The following LRP12 variants were observed in gnomAD, a reference collection of about 807,000 sequenced individuals.
LRP12 encodes LDL receptor related protein 12.
Under a neutral mutation model 66.0 loss-of-function variants are expected in LRP12, and 14 were observed. That is an observed-to-expected ratio of 0.21 (90% CI 0.14 to 0.33). LRP12 has a LOEUF of 0.33. LRP12 is among the 10% of genes least tolerant of loss of function. The pLI is 1.00. For synonymous variants in LRP12, 357 were observed against 359.1 expected, an observed-to-expected ratio of 0.99 and a Z score of 0.07; for missense variants, 889 against 1,053.4, an observed-to-expected ratio of 0.84 and a Z score of 2.16.
At chr8:104,566,718 A>C (rs1041981157) in intron 1 of LRP12, among the ~76,000 whole-genome samples, 1 of 152,184 alleles carries the variant, frequency 6.6e-6, no homozygotes, top group Non-Finnish European at 1.5e-5. Flanking sequence ...AGAGGCCATA[A>C]TCAAAAAGTA....
chr8:104,568,036 C>G (rs906006391), intron 1 of LRP12, among the ~76,000 whole-genome samples: 2 of 152,086 alleles, frequency 1.3e-5, no homozygotes, highest in East Asian at 1.9e-4. Context: ...TACTACAAAG[C>G]GACACTAATG....
chr8:104,558,349 G>A (rs1422216763), intron 1 of LRP12, among the ~76,000 whole-genome samples: 1 of 152,142 alleles, frequency 6.6e-6, no homozygotes, highest in Non-Finnish European at 1.5e-5. Context: ...CATGTATGAA[G>A]TGGGGAAAGC....
At chr8:104,524,884 T>A (rs1811206794) in intron 2 of LRP12, among the ~76,000 whole-genome samples, 1 of 152,164 alleles carries the variant, frequency 6.6e-6, no homozygotes, top group Admixed American at 6.5e-5. Flanking sequence ...TATCACAGAT[T>A]ACAGAGTAAT....
rs1424003217 is a variant in LRP12 at position 104,509,086 on chromosome 8, C to T, written c.137-12G>A. On this transcript the variant is annotated splice_polypyrimidine_tract_variant and intron_variant, in intron 2 of 6. Coordinates refer to ENST00000276654, the MANE Select transcript of LRP12 (RefSeq NM_013437.5). ...AGTCTCTCCACAAGCTGGAAGATAG[C>T]CAAAGCAATCTTTCCTTATTATTAC... 1.2e-6 allele frequency: 2 copies of T among 1,609,398 alleles called. No homozygotes were observed. Among genetic ancestry groups the T allele is most frequent in the East Asian group, 2.2e-5 (1 of 44,804 alleles).
At chr8:104,499,573 C>A in intron 3 of LRP12, 54 bp from the exon 4 acceptor site, 3 of 1,276,198 alleles carry the variant, frequency 2.4e-6, no homozygotes, top group Non-Finnish European at 3.3e-6. Flanking sequence ...AAAAAAAAAT[C>A]GTATTACAAA....
chr8:104,505,460 A>G (rs967149040), intron 3 of LRP12: 1 of 135,288 alleles, frequency 7.4e-6, no homozygotes, highest in Admixed American at 8.1e-5. Context: ...GCTGGAGCAC[A>G]GTGGCATGAT....
At chr8:104,530,733 A>G (rs1470938529) in intron 2 of LRP12, among the ~76,000 whole-genome samples, 1 of 152,206 alleles carries the variant, frequency 6.6e-6, no homozygotes, top group Non-Finnish European at 1.5e-5. Flanking sequence ...ATAAATTAAA[A>G]TGTTTGTAAA....
chr8:104,525,261 T>C (rs1811215679), intron 2 of LRP12, among the ~76,000 whole-genome samples: 1 of 152,066 alleles, frequency 6.6e-6, no homozygotes, highest in South Asian at 2.1e-4. Context: ...TAAATTAAAA[T>C]AAGTACAAAA....
chr8:104,576,575 C>T (rs942083696), intron 1 of LRP12, among the ~76,000 whole-genome samples: 2 of 152,106 alleles, frequency 1.3e-5, no homozygotes, highest in Non-Finnish European at 2.9e-5. Flanking sequence ...AATTCGTTAC[C>T]ACCAGACGTG....
chr8:104,587,123 C>A (rs1490721645), intron 1 of LRP12, among the ~76,000 whole-genome samples: 1 of 152,188 alleles, frequency 6.6e-6, no homozygotes, highest in Non-Finnish European at 1.5e-5. Context: ...AGTTCAAACA[C>A]TGATGACACA....
chr8:104,579,109 C>T (rs4734799), intron 1 of LRP12, among the ~76,000 whole-genome samples: 42,533 of 151,802 alleles, frequency 0.28, 6,725 homozygotes, highest in Non-Finnish European at 0.36. Flanking sequence ...ATAAATAAAG[C>T]GCATCTAAAT....
intron 1 of LRP12, among the ~76,000 whole-genome samples, chr8:104,580,358 TAAAAA>T (rs774764260): frequency 1.6e-4 from 15 of 92,190 alleles, no homozygotes; most frequent in African/African-American, 6.1e-4. Context: ...CTACTAAAAA[TAAAAA>T]AAAAAAAAAA....
Position 104,498,100 on chromosome 8 carries a change from G to A in LRP12, c.476-24C>T, listed in dbSNP as rs753916609. On this transcript the variant is annotated intron_variant, in intron 4 of 6. Transcript: ENST00000276654. ...CCCTGTGAAGATGTGAGTAGAAATA[G>A]ATGGAAAGAGAAGGAGAAAAATTAT... 6.5e-6 allele frequency: 10 copies of A among 1,529,898 alleles called. No individual in the cohort carries two copies. The East Asian group carries it at 1.8e-4, about 28-fold the overall frequency. The allele number at this position is 1,529,898 out of a possible 1,614,324, so 94.8% of individuals were successfully genotyped here.
At position 104,491,449 on chromosome 8, in the gene LRP12, T is replaced by C. The variant is rs764462506; in HGVS notation, c.1804A>G (p.Ile602Val). 3 of 1,613,964 alleles carry C rather than the reference T, an allele frequency of 1.9e-6. No individual in the cohort carries two copies. The highest frequency in any genetic ancestry group is 2.7e-5 in the African/African-American group (2 of 74,902). The change falls in exon 7 of 7, where the codon ATT becomes GTT. Residue 602 changes from isoleucine (I) to valine (V), a missense_variant. Physicochemically the swap from Ile to Val is conservative, Grantham distance 29. Transcript: ENST00000276654. ...RLPMAGRSSNIWNRIFNFARS... is the reference protein window; with the variant it reads ...RLPMAGRSSNVWNRIFNFARS... Reference sequence around the variant, plus strand: ...GCAAAATTAAAAATACGGTTCCAAATGTTGCTTGATCTGCCTGCCATAGGA... The same window carrying C: ...GCAAAATTAAAAATACGGTTCCAAACGTTGCTTGATCTGCCTGCCATAGGA...
In LRP12 at chr8:104,499,556, AT is replaced by A. The variant is rs760171245; in HGVS notation, c.273-38del. On this transcript the variant is annotated intron_variant, in intron 3 of 6. Transcript: ENST00000276654. ...ATCAGAAATGTCTATTAAAAAGTCA[AT>A]TTTGGAAAAAAAAATCGTATTACAA... The A allele has an allele frequency of 2.1e-6, 3 of 1,459,626 alleles. No individual in the cohort carries two copies. In the South Asian group the frequency reaches 3.7e-5, roughly 18 times the overall value. The allele number at this position is 1,459,626 out of a possible 1,614,324, so 90.4% of individuals were successfully genotyped here.
chr8:104,514,549 A>AAG, intron 2 of LRP12, among the ~76,000 whole-genome samples: 1 of 150,492 alleles, frequency 6.6e-6, no homozygotes, highest in Non-Finnish European at 1.5e-5. Context: ...TCTACTTAAA[A>AAG]AAAAAAAAAA....
intron 1 of LRP12, among the ~76,000 whole-genome samples, chr8:104,564,169 T>C (rs1407839580): frequency 6.6e-6 from 1 of 152,156 alleles, no homozygotes; most frequent in African/African-American, 2.4e-5. Context: ...ACTCCAGATA[T>C]GTAAAAGGTA....
chr8:104,552,946 C>G (rs1016897036), intron 1 of LRP12, among the ~76,000 whole-genome samples: 17 of 152,278 alleles, frequency 1.1e-4, no homozygotes, highest in African/African-American at 4.1e-4. Flanking sequence ...GGAACGTTTG[C>G]CCCTAAATGC....
intron 1 of LRP12, among the ~76,000 whole-genome samples, chr8:104,572,719 C>G (rs1011423325): frequency 6.6e-6 from 1 of 151,768 alleles, no homozygotes; most frequent in Non-Finnish European, 1.5e-5. Flanking sequence ...AAATAATGTT[C>G]TAGAACATAT....
Sources: allele counts gnomAD v4.1 joint callset (sites outside exome capture counted in the v4.1 genomes callset), GRCh38; gene constraint gnomAD v4.1.1; transcripts MANE v1.5; gene names NCBI Gene and HGNC (gene_info 2026-07-23, HGNC 2026-07-21).